TMCO5A: variants seen among roughly 807,000 people sequenced by gnomAD.
TMCO5A encodes the protein transmembrane and coiled-coil domain-containing protein 5A.
TMCO5A carries 34 observed loss-of-function variants against 42.3 expected under a neutral mutation model. The ratio of observed to expected loss-of-function variants is 0.80; its 90% CI spans 0.61 to 1.07. The LOEUF (loss-of-function observed/expected upper bound fraction) is 1.07. Among genes scored for constraint, TMCO5A ranks in the 50% least tolerant of loss-of-function variants. The probability of loss-of-function intolerance (pLI) is 0.00; values close to 1 mark genes in which losing one functional copy is unlikely to be tolerated. For missense variants in TMCO5A, 357 were observed against 327.9 expected (o/e 1.09, Z -0.69); for synonymous variants, 131 against 115.6 (o/e 1.13, Z -0.86).
the TMCO5A span, among the ~76,000 whole-genome samples, chr15:38,006,807 AC>A: frequency 6.6e-6 from 1 of 151,780 alleles, no homozygotes; most frequent in South Asian, 2.1e-4. Context: ...GTAAAAAATC[AC>A]CCAGTAAATA....
chr15:38,016,056 G>A, the TMCO5A span, among the ~76,000 whole-genome samples: 4 of 152,064 alleles, frequency 2.6e-5, no homozygotes, highest in African/African-American at 7.2e-5. Context: ...TGTAAACTAC[G>A]GACTTCGGAT....
In TMCO5A at chr15:37,951,358, C is replaced by A; in HGVS notation, c.*124C>A. 2.3e-6 allele frequency: 2 copies of A among 856,010 alleles called. No individual in the cohort carries two copies. The highest frequency in any genetic ancestry group is 3.6e-6 in the Non-Finnish European group (2 of 550,260). The allele number at this position is 856,010 out of a possible 1,614,324, so 53.0% of individuals were successfully genotyped here. A position where few individuals can be genotyped will look rare whatever the true frequency, so the allele number is the denominator to read the frequency against. On this transcript the variant is annotated 3_prime_UTR_variant, in exon 12 of 12. Transcript: ENST00000319669. ...TTTTCCTCACCGTTTGCCTGCTTGACTACCTTCTGTCACCACGTCATCTTT... is the reference window on the plus strand; with the variant it reads ...TTTTCCTCACCGTTTGCCTGCTTGAATACCTTCTGTCACCACGTCATCTTT...
chr15:38,022,233 A>G, the TMCO5A span, among the ~76,000 whole-genome samples: 1 of 152,226 alleles, frequency 6.6e-6, no homozygotes, highest in Non-Finnish European at 1.5e-5. Context: ...ATTTTTAATT[A>G]CCAAAATTTG....
chr15:37,972,198 A>G (rs1226495981), downstream of TMCO5A, among the ~76,000 whole-genome samples: 5 of 152,210 alleles, frequency 3.3e-5, no homozygotes, highest in African/African-American at 1.2e-4. Flanking sequence ...CTCGCATCGC[A>G]GCAGACAAGA....
At chr15:37,966,160 A>G (rs1388184478) in intron 11 of TMCO5A, among the ~76,000 whole-genome samples, 1 of 152,196 alleles carries the variant, frequency 6.6e-6, no homozygotes, top group East Asian at 1.9e-4. Flanking sequence ...AAAGACACAC[A>G]TCACATGTTC....
downstream of TMCO5A, among the ~76,000 whole-genome samples, chr15:37,956,273 C>CA (rs1183745947): frequency 6.6e-6 from 1 of 151,810 alleles, no homozygotes; most frequent in Non-Finnish European, 1.5e-5. Context: ...GATAGAGACA[C>CA]AAAAAACCCT....
At chr15:38,017,163 CCTT>C in the TMCO5A span, among the ~76,000 whole-genome samples, 4 of 151,980 alleles carry the variant, frequency 2.6e-5, 1 homozygote, top group Non-Finnish European at 1.5e-5. Context: ...AGCAATGAAA[CCTT>C]CTGCAAATGA....
intron 11 of TMCO5A, among the ~76,000 whole-genome samples, chr15:37,947,995 T>C (rs1191657813): frequency 6.6e-6 from 1 of 152,148 alleles, no homozygotes; most frequent in Non-Finnish European, 1.5e-5. Flanking sequence ...TCTTATTTAC[T>C]GCCTTTTCCC....
At chr15:38,008,023 G>A in the TMCO5A span, among the ~76,000 whole-genome samples, 1 of 151,520 alleles carries the variant, frequency 6.6e-6, no homozygotes, top group Admixed American at 6.6e-5. Context: ...AGCCTCCCGG[G>A]TTGCTGGGAC....
At chr15:38,012,708 C>G in the TMCO5A span, among the ~76,000 whole-genome samples, 1 of 152,060 alleles carries the variant, frequency 6.6e-6, no homozygotes, top group Non-Finnish European at 1.5e-5. Flanking sequence ...GATGAGGAGG[C>G]TGATGAGAAG....
At chr15:37,978,939 G>T in the TMCO5A span, among the ~76,000 whole-genome samples, 1 of 151,506 alleles carries the variant, frequency 6.6e-6, no homozygotes, top group Non-Finnish European at 1.5e-5. Flanking sequence ...AAGGTGGGTC[G>T]AGGGGCATTG....
At chr15:38,014,958 T>G in the TMCO5A span, among the ~76,000 whole-genome samples, 1 of 143,634 alleles carries the variant, frequency 7.0e-6, no homozygotes, top group East Asian at 2.1e-4. Context: ...ATCTGCAAGC[T>G]GAGGAGCAAG....
downstream of TMCO5A, among the ~76,000 whole-genome samples, chr15:37,968,486 G>A (rs914660955): frequency 6.6e-6 from 1 of 151,972 alleles, no homozygotes; most frequent in African/African-American, 2.4e-5. Flanking sequence ...CTAAAAGCCA[G>A]TGTTAGAGAC....
the TMCO5A span, among the ~76,000 whole-genome samples, chr15:38,039,493 G>A: frequency 6.6e-6 from 1 of 152,144 alleles, no homozygotes; most frequent in Non-Finnish European, 1.5e-5. Context: ...ATCTTTTAGT[G>A]ACTCTTTTTG....
intron 9 of TMCO5A, chr15:37,942,514 G>A (rs1012834606): frequency 8.5e-6 from 3 of 354,222 alleles, no homozygotes; most frequent in African/African-American, 6.2e-5. Flanking sequence ...ATTATTATTC[G>A]GGTTGATATT....
At chr15:37,984,961 T>G in the TMCO5A span, 1 of 151,818 alleles carries the variant, frequency 6.6e-6, no homozygotes, top group Non-Finnish European at 1.5e-5. Flanking sequence ...GAACTTTAGG[T>G]CAATGCTGGA....
the TMCO5A span, among the ~76,000 whole-genome samples, chr15:38,033,584 GTTGGT>G: frequency 6.7e-6 from 1 of 150,056 alleles, no homozygotes; most frequent in Admixed American, 6.6e-5. Context: ...GTTTTTCTTT[GTTGGT>G]TTGGTTTGGT....
At chr15:37,979,372 A>G in the TMCO5A span, among the ~76,000 whole-genome samples, 1 of 152,070 alleles carries the variant, frequency 6.6e-6, no homozygotes, top group Admixed American at 6.5e-5. Flanking sequence ...AGGGCAGTGC[A>G]GGGCTGCCAA....
downstream of TMCO5A, among the ~76,000 whole-genome samples, chr15:37,956,269 GAC>G (rs1423563445): frequency 1.3e-4 from 19 of 151,918 alleles, no homozygotes; most frequent in South Asian, 3.5e-3. Flanking sequence ...AGGAGATAGA[GAC>G]ACAAAAAACC....
Sources: gnomAD v4.1 joint callset for allele counts (sites outside exome capture counted in the v4.1 genomes callset) on GRCh38, gnomAD v4.1.1 for gene constraint, MANE v1.5 for transcripts, NCBI Gene and HGNC (gene_info 2026-07-23, HGNC 2026-07-21) for gene names.